Variants in ESRRB observed in about 807,000 individuals in gnomAD.
The protein encoded by ESRRB is steroid hormone receptor ERR2.
A neutral mutation model predicts 46.0 loss-of-function variants in ESRRB; 16 were observed. That is an observed-to-expected ratio of 0.35 (90% CI 0.24 to 0.53). The LOEUF is 0.53. ESRRB is among the 20% of genes least tolerant of loss of function. ESRRB has a pLI of 0.93. For missense variants in ESRRB, 488 were observed against 607.4 expected, an observed-to-expected ratio of 0.80 and a Z score of 2.07; for synonymous variants, 246 against 259.6, an observed-to-expected ratio of 0.95 and a Z score of 0.50.
At chr14:76,317,207 C>G (rs1451599456) in intron 1 of ESRRB, among the ~76,000 whole-genome samples, 1 of 152,044 alleles carries the variant, frequency 6.6e-6, no homozygotes, top group Non-Finnish European at 1.5e-5. Flanking sequence ...AATGAAAAGT[C>G]TAGGCATCTC....
intron 1 of ESRRB, among the ~76,000 whole-genome samples, chr14:76,359,946 G>C (rs559508489): frequency 2.6e-5 from 4 of 152,326 alleles, no homozygotes; most frequent in African/African-American, 9.6e-5. Flanking sequence ...CCTGTCTTCA[G>C]GTATGGTTGG....
Position 76,482,190 on chromosome 14 carries a change from T to C in ESRRB, c.688+64T>C. The C allele has an allele frequency of 8.2e-7, 1 of 1,226,134 alleles. No homozygotes were observed. The highest frequency in any genetic ancestry group is 1.2e-6 in the Non-Finnish European group (1 of 831,656). The allele number at this position is 1,226,134 out of a possible 1,614,324, so 76.0% of individuals were successfully genotyped here. On this transcript the variant is annotated intron_variant, in intron 4 of 6. Coordinates refer to ENST00000644823, the MANE Select transcript of ESRRB (RefSeq NM_001379180.1). This position sits in a 1 kb window ranked among gnomAD's most constrained non-coding sequence, Gnocchi z 4.3. Reference sequence around the variant, plus strand: ...CTGTACCTGGAACATCAGGCATCCCTTAGGGAAACATCATCTTCCCACCAC... The same window carrying C: ...CTGTACCTGGAACATCAGGCATCCCCTAGGGAAACATCATCTTCCCACCAC...
intron 1 of ESRRB, among the ~76,000 whole-genome samples, chr14:76,324,970 T>C (rs78987185): frequency 1.1e-4 from 12 of 105,994 alleles, no homozygotes; most frequent in East Asian, 3.7e-4. Flanking sequence ...TTTCTTTTTT[T>C]TTTTTTTTTT....
rs141476440 is a variant in ESRRB, at chr14:76,315,359, G to A, written c.2+4443G>A. On this transcript the variant is annotated intron_variant, in intron 1 of 6. Transcript: ENST00000512784. Reference sequence around the variant, plus strand: ...TTTCTCTTTGTTAGCCTGCCTCATCGTTGATAATTCCTGCCCTCTTGCCCT... The same window carrying A: ...TTTCTCTTTGTTAGCCTGCCTCATCATTGATAATTCCTGCCCTCTTGCCCT... 3.3e-4 allele frequency among the ~76,000 whole-genome samples: 50 copies of A among 152,250 alleles called. No individual in the cohort carries two copies. The East Asian group carries it at 5.4e-3, about 17-fold the overall frequency.
At chr14:76,367,967 T>TTA (rs1884544270), upstream of ESRRB, among the ~76,000 whole-genome samples, 1 of 143,098 alleles carries the variant, frequency 7.0e-6, no homozygotes, top group Non-Finnish European at 1.5e-5. Context: ...TTTTTTTTTT[T>TTA]TTTGAGACGG....
At chr14:76,312,609 G>A (rs541577897) in intron 1 of ESRRB, among the ~76,000 whole-genome samples, 6 of 151,338 alleles carry the variant, frequency 4.0e-5, no homozygotes, top group Non-Finnish European at 8.8e-5. Context: ...TCCAGAGGGG[G>A]ACAAACGCCA....
intron 3 of ESRRB, among the ~76,000 whole-genome samples, chr14:76,475,562 C>T (rs1289904595): frequency 6.6e-6 from 1 of 152,174 alleles, no homozygotes; most frequent in East Asian, 1.9e-4. Flanking sequence ...ACTCATCTAT[C>T]CACGGACACT....
rs1213068779 is a variant in ESRRB at position 76,432,661 on chromosome 14, T to TTC, written c.51-6670_51-6669dup. On this transcript the variant is annotated intron_variant, in intron 1 of 6. Transcript: ENST00000644823. Reference sequence around the variant, plus strand: ...CTCTCACTCTTACTGAATAAGCTATTTCTCTCTCTCTTTTTTTTTTTTTTT... The same window carrying TTC: ...CTCTCACTCTTACTGAATAAGCTATTTCTCTCTCTCTCTTTTTTTTTTTTTTT... Among the ~76,000 whole-genome samples, 53 of 137,682 alleles carry TTC rather than the reference T, an allele frequency of 3.8e-4. 2 individuals are homozygous for TTC. In the East Asian group the frequency reaches 5.5e-3, roughly 14 times the overall value. 90.3% of individuals were successfully genotyped at this position (137,682 alleles called of 152,430 possible). A position where few individuals can be genotyped will look rare whatever the true frequency, so the allele number is the denominator to read the frequency against.
intron 3 of ESRRB, among the ~76,000 whole-genome samples, chr14:76,474,816 CAAACA>C (rs138037395): frequency 0.47 from 70,636 of 149,176 alleles, 16,920 homozygotes; most frequent in Middle Eastern, 0.67. Context: ...GACCCTGTCT[CAAACA>C]AAACAAAACA....
intron 1 of ESRRB, among the ~76,000 whole-genome samples, chr14:76,342,081 G>A (rs1192856928): frequency 6.6e-6 from 1 of 152,196 alleles, no homozygotes; most frequent in Non-Finnish European, 1.5e-5. Flanking sequence ...CAGCAGTGAT[G>A]CGGGTATACA....
intron 2 of ESRRB, among the ~76,000 whole-genome samples, chr14:76,448,272 G>A (rs766455877): frequency 6.7e-6 from 1 of 149,864 alleles, no homozygotes; most frequent in African/African-American, 2.5e-5. Context: ...CATTTTTTTT[G>A]TCTGATACCC....
At chr14:76,463,055 A>C (rs1205832427) in intron 3 of ESRRB, among the ~76,000 whole-genome samples, 1 of 152,188 alleles carries the variant, frequency 6.6e-6, no homozygotes, top group Non-Finnish European at 1.5e-5. Flanking sequence ...GGGAATGATA[A>C]ATAATGTTCC....
At chr14:76,399,189 CG>C (rs1885830717) in intron 1 of ESRRB, among the ~76,000 whole-genome samples, 2 of 151,986 alleles carry the variant, frequency 1.3e-5, no homozygotes, top group African/African-American at 4.8e-5. Flanking sequence ...GCTGGCCAGC[CG>C]TGTGTTTTAA....
chr14:76,472,106 C>T (rs968053774), intron 3 of ESRRB, among the ~76,000 whole-genome samples: 1 of 152,214 alleles, frequency 6.6e-6, no homozygotes, highest in Non-Finnish European at 1.5e-5. Context: ...TCTAAGAAGC[C>T]TATTCGAACC....
chr14:76,418,594 C>T (rs1401054957), intron 1 of ESRRB, among the ~76,000 whole-genome samples: 1 of 152,066 alleles, frequency 6.6e-6, no homozygotes, highest in Non-Finnish European at 1.5e-5. Context: ...ATTTTCATAA[C>T]CTTGACAGTT....
intron 1 of ESRRB, among the ~76,000 whole-genome samples, chr14:76,341,954 G>C (rs1884196545): frequency 6.6e-6 from 1 of 152,356 alleles, no homozygotes; most frequent in Admixed American, 6.5e-5. Flanking sequence ...TCTGGCAAGA[G>C]TCCACATGTC....
intron 1 of ESRRB, among the ~76,000 whole-genome samples, chr14:76,434,729 G>A (rs1378710140): frequency 2.6e-5 from 4 of 152,134 alleles, no homozygotes; most frequent in Admixed American, 2.6e-4. Context: ...TTGGAACTCT[G>A]GGTGGCAGTC....
chr14:76,491,624 G>A lies in ESRRB; in HGVS notation c.1028G>A (p.Arg343Gln), dbSNP rs146185697. ...CTCGCGGGGCTGCTGGAGCTCTACC[G>A]GGCCATCCTGCAGCTGGTACGCAGG... ...SRLAGLLELYRAILQLVRRYK... is the reference protein window; with the variant it reads ...SRLAGLLELYQAILQLVRRYK... The change falls in exon 6 of 7, where the codon CGG (arginine) becomes CAG (glutamine). Residue 343 changes from arginine (R) to glutamine (Q), a missense_variant. Transcript: ENST00000644823. 2.2e-4 allele frequency: 353 copies of A among 1,583,970 alleles called. 1 individual carries two copies. Among genetic ancestry groups the A allele is most frequent in the Non-Finnish European group, 2.7e-4 (317 of 1,166,142 alleles).
chr14:76,478,488 G>A (rs1052295534), intron 3 of ESRRB, among the ~76,000 whole-genome samples: 2 of 152,074 alleles, frequency 1.3e-5, no homozygotes, highest in Admixed American at 6.6e-5. Context: ...GCTGCTTGCC[G>A]GGAAGCAGGC....
Sources: gnomAD v4.1 joint callset for allele counts (sites outside exome capture counted in the v4.1 genomes callset) on GRCh38, gnomAD v4.1.1 for gene constraint, Gnocchi (gnomAD v3.1) non-coding constraint, MANE v1.5 for transcripts, NCBI Gene and HGNC (gene_info 2026-07-23, HGNC 2026-07-21) for gene names.